MIOS: variants seen among roughly 807,000 people sequenced by gnomAD.
MIOS encodes GATOR2 complex protein MIOS.
MIOS carries 52 observed loss-of-function variants against 96.9 expected under a neutral mutation model. The observed-to-expected ratio is 0.54, with a 90% CI of 0.43 to 0.68. The LOEUF is 0.68. Among genes scored for constraint, MIOS ranks in the 30% least tolerant of loss-of-function variants. MIOS has a pLI of 0.00. For missense variants in MIOS, 1,005 were observed against 1,052.8 expected (o/e 0.95, Z 0.63); for synonymous variants, 397 against 359.5 (o/e 1.10, Z -1.18).
chr7:7,604,641 C>T (rs1288158174), intron 11 of MIOS, among the ~76,000 whole-genome samples: 4 of 152,072 alleles, frequency 2.6e-5, no homozygotes, highest in Non-Finnish European at 5.9e-5. Context: ...TCTAGTTTCG[C>T]CTAAAGTGTT....
At chr7:7,590,585 A>G (rs879764459) in intron 9 of MIOS, among the ~76,000 whole-genome samples, 11 of 152,118 alleles carry the variant, frequency 7.2e-5, no homozygotes, top group African/African-American at 1.4e-4. Context: ...GGTTAAGTCT[A>G]CCATCTTGCT....
Position 7,608,864 on chromosome 7 carries a change from A to G in MIOS, c.*1772A>G, listed in dbSNP as rs1409631357. The G allele has an allele frequency of 6.6e-6, 1 of 152,086 alleles. No individual in the cohort carries two copies. The highest frequency in any genetic ancestry group is 1.5e-5 in the Non-Finnish European group (1 of 67,952). 9.4% of individuals were successfully genotyped at this position (152,086 alleles called of 1,614,324 possible). ...TAATATGCTTATTTGTAATCCTAAT[A>G]TATGAGGGTGACATTTTTAAGATTG... is the stretch of plus-strand genomic sequence containing the variant. On this transcript the variant is annotated 3_prime_UTR_variant, in exon 13 of 13. Transcript: ENST00000340080.
At chr7:7,600,658 C>T (rs905955588) in intron 11 of MIOS, among the ~76,000 whole-genome samples, 6 of 152,060 alleles carry the variant, frequency 3.9e-5, no homozygotes, top group Non-Finnish European at 7.4e-5. Flanking sequence ...GACAGATCAA[C>T]GAGGCAGAAA....
chr7:7,580,731 C>CT (rs1416782938), intron 5 of MIOS, among the ~76,000 whole-genome samples: 80 of 139,888 alleles, frequency 5.7e-4, no homozygotes, highest in African/African-American at 2.0e-3. Flanking sequence ...GAATCTCACT[C>CT]TGTCACCCAG....
chr7:7,587,626 G>C (rs1250177709), intron 7 of MIOS, among the ~76,000 whole-genome samples: 14 of 152,054 alleles, frequency 9.2e-5, no homozygotes, highest in African/African-American at 3.1e-4. Context: ...ACTCTTTCCA[G>C]ATCAAAATTT....
chr7:7,578,934 C>T (rs905164593), intron 5 of MIOS, among the ~76,000 whole-genome samples: 5 of 152,188 alleles, frequency 3.3e-5, no homozygotes, highest in African/African-American at 1.2e-4. Flanking sequence ...TGGTCTCAAA[C>T]TCCTAACCTC....
chr7:7,583,041 A>G (rs1783779615), intron 5 of MIOS, 77 bp from the exon 6 acceptor site: 2 of 1,417,642 alleles, frequency 1.4e-6, no homozygotes, highest in Non-Finnish European at 1.9e-6. Flanking sequence ...ATGTGTCAAC[A>G]TAGTTCTCTG....
intron 5 of MIOS, among the ~76,000 whole-genome samples, chr7:7,576,902 C>G (rs959004145): frequency 7.9e-5 from 12 of 152,106 alleles, no homozygotes; most frequent in Non-Finnish European, 1.8e-4. Flanking sequence ...TCAAAGGTAG[C>G]ACACATATAT....
At chr7:7,596,521 T>C in intron 11 of MIOS, 60 bp downstream of exon 11, 1 of 1,478,894 alleles carries the variant, frequency 6.8e-7, no homozygotes, top group Non-Finnish European at 9.4e-7. Context: ...ATAATTGAGT[T>C]AATGTTGCAA....
intron 9 of MIOS, among the ~76,000 whole-genome samples, chr7:7,593,176 A>T (rs1047135824): frequency 6.6e-6 from 1 of 152,142 alleles, no homozygotes; most frequent in Non-Finnish European, 1.5e-5. Context: ...TTTCTTTTTA[A>T]ACCAGGGATT....
intron 11 of MIOS, 162 bp from the exon 12 acceptor site, chr7:7,605,780 A>G: frequency 6.9e-6 from 4 of 577,102 alleles, no homozygotes; most frequent in South Asian, 3.6e-5. Flanking sequence ...AGCTTCTGTC[A>G]TTCAGTTTCG....
chr7:7,594,275 T>C (rs1784138206), intron 9 of MIOS, among the ~76,000 whole-genome samples: 1 of 151,706 alleles, frequency 6.6e-6, no homozygotes, highest in Non-Finnish European at 1.5e-5. Context: ...AACTGTTAGT[T>C]CAGATGTGAC....
At chr7:7,602,686 G>A (rs1450347560) in intron 11 of MIOS, among the ~76,000 whole-genome samples, 3 of 152,086 alleles carry the variant, frequency 2.0e-5, no homozygotes, top group Middle Eastern at 3.2e-3. Context: ...TCCCCATCAA[G>A]CTACCAATGA....
rs1016925512 is a variant in MIOS at position 7,583,270 on chromosome 7, G to C, written c.1546G>C (p.Val516Leu). 6.2e-7 allele frequency: 1 copy of C among 1,613,980 alleles called. No homozygotes were observed. The highest frequency in any genetic ancestry group is 8.5e-7 in the Non-Finnish European group (1 of 1,180,000). ...CGTGGGGCCATTTTTGAACTCCCTT[G>C]TACAAGAAGGGGAATGGGAAAGAGC... ...VDVGPFLNSLVQEGEWERAAA... is the reference protein window; with the variant it reads ...VDVGPFLNSLLQEGEWERAAA... Residue 516 changes from valine to leucine, a missense_variant, in exon 6 of 13, where the codon GTA becomes CTA. Physicochemically the swap from Val to Leu is conservative, Grantham distance 32 (BLOSUM62 1). This residue lies in a region of MIOS where 865 missense variants were observed against 887.9 expected (regional missense o/e 0.97). Transcript: ENST00000340080.
At position 7,596,252 on chromosome 7, in the gene MIOS, T is replaced by G. The variant is rs761557422; in HGVS notation, c.2197-5T>G. On this transcript the variant is annotated splice_region_variant and splice_polypyrimidine_tract_variant and intron_variant, in intron 10 of 12. Coordinates refer to ENST00000340080, the MANE Select transcript of MIOS (RefSeq NM_019005.4). ...CATTTATTTTTTCTTTCATTTGTTT[T>G]GTAGGTTTTTGTGAGTTGCAATTTC... is the stretch of plus-strand genomic sequence containing the variant. 7 of 1,613,044 alleles carry G rather than the reference T, an allele frequency of 4.3e-6. No homozygotes were observed. In the African/African-American group the frequency reaches 9.4e-5, roughly 22 times the overall value.
At chr7:7,575,895 T>C (rs1200731237) in intron 5 of MIOS, among the ~76,000 whole-genome samples, 1 of 150,480 alleles carries the variant, frequency 6.6e-6, no homozygotes, top group Non-Finnish European at 1.5e-5. Flanking sequence ...TTTTTTTGTT[T>C]GGTATAGATA....
At chr7:7,604,818 G>GA in intron 11 of MIOS, among the ~76,000 whole-genome samples, 1 of 152,238 alleles carries the variant, frequency 6.6e-6, no homozygotes, top group South Asian at 2.1e-4. Flanking sequence ...GTTTATGTTA[G>GA]AAGTTACAAA....
chr7:7,593,408 C>T (rs1467521203), intron 9 of MIOS, among the ~76,000 whole-genome samples: 1 of 151,074 alleles, frequency 6.6e-6, no homozygotes, highest in Admixed American at 6.6e-5. Context: ...GATTTTTGTT[C>T]TTTTTTTTTA....
At chr7:7,595,350 A>G (rs967816719) in intron 10 of MIOS, among the ~76,000 whole-genome samples, 1 of 152,212 alleles carries the variant, frequency 6.6e-6, no homozygotes, top group African/African-American at 2.4e-5. Context: ...AACAAACCAC[A>G]GCAGGCCTGA....
Sources: gnomAD v4.1 joint callset for allele counts (sites outside exome capture counted in the v4.1 genomes callset) on GRCh38, gnomAD v4.1.1 for gene constraint, gnomAD v4.1.1 regional missense constraint, MANE v1.5 for transcripts, NCBI Gene and HGNC (gene_info 2026-07-23, HGNC 2026-07-21) for gene names.